The following DIP2B variants were observed in gnomAD, a reference collection of about 807,000 sequenced individuals.
DIP2B encodes disco-interacting protein 2 homolog B.
Under a neutral mutation model 198.0 loss-of-function variants are expected in DIP2B, and 76 were observed. The ratio of observed to expected loss-of-function variants is 0.38; its 90% CI spans 0.32 to 0.46. DIP2B has a LOEUF of 0.46. Ranked by LOEUF, DIP2B falls within the 20% of genes least tolerant of loss-of-function variation. DIP2B has a pLI of 0.99. For missense variants in DIP2B, 1,559 were observed against 1,978.4 expected (o/e 0.79, Z 4.02); for synonymous variants, 701 against 739.1 (o/e 0.95, Z 0.84).
intron 23 of DIP2B, among the ~76,000 whole-genome samples, chr12:50,716,501 C>T (rs1046205736): frequency 6.6e-6 from 1 of 152,094 alleles, no homozygotes; most frequent in African/African-American, 2.4e-5. Context: ...GCACTCCAGC[C>T]TGGGCGACTG....
chr12:50,682,545 C>T (rs1939059451), intron 9 of DIP2B, among the ~76,000 whole-genome samples: 3 of 142,586 alleles, frequency 2.1e-5, no homozygotes, highest in South Asian at 4.6e-4. Flanking sequence ...AGGAGAATGG[C>T]GTGAACCCAG....
chr12:50,611,078 G>A (rs923441057), intron 1 of DIP2B, among the ~76,000 whole-genome samples: 3 of 152,252 alleles, frequency 2.0e-5, no homozygotes, highest in African/African-American at 7.2e-5. Context: ...GATTACAGGC[G>A]TGAGCCACCG....
chr12:50,580,217 CCTCCAGAGGT>C lies in DIP2B; in HGVS notation c.101-45755_101-45746del, dbSNP rs1002918877. Among the ~76,000 whole-genome samples, 5 of 148,534 alleles carry C rather than the reference CCTCCAGAGGT, an allele frequency of 3.4e-5. 1 individual carries two copies. The highest frequency in any genetic ancestry group is 2.8e-4 in the Admixed American group (4 of 14,398). On this transcript the variant is annotated intron_variant, in intron 1 of 37. Transcript: ENST00000301180. ...GAGAGACTCTTAGGCTAAAAAGGGC[CCTCCAGAGGT>C]CTCAGCACTACACACTGTTGCCCCA...
chr12:50,719,581 C>T (rs1939795082), intron 25 of DIP2B, among the ~76,000 whole-genome samples: 1 of 152,124 alleles, frequency 6.6e-6, no homozygotes, highest in African/African-American at 2.4e-5. Context: ...GTGGCTCACA[C>T]CTGTAATCCC....
chr12:50,690,548 T>C (rs900456779), intron 12 of DIP2B, among the ~76,000 whole-genome samples: 2 of 152,182 alleles, frequency 1.3e-5, no homozygotes, highest in African/African-American at 2.4e-5. Flanking sequence ...GGAAAGTTGA[T>C]AGTCCTGGTA....
At position 50,672,231 on chromosome 12, in the gene DIP2B, T is replaced by G. The variant is rs181793190; in HGVS notation, c.640+833T>G. Among the ~76,000 whole-genome samples the G allele has an allele frequency of 7.6e-4, 115 of 152,234 alleles. 2 individuals carry two copies. Among genetic ancestry groups the G allele is most frequent in the Admixed American group, 5.9e-4 (9 of 15,280 alleles). ...AACTGATTTCTAAAAAAAGAAAAAC[T>G]TGGAAAAATTTCAATTCAAGACTAT... On this transcript the variant is annotated intron_variant, in intron 5 of 37. Coordinates refer to ENST00000301180, the MANE Select transcript of DIP2B (RefSeq NM_173602.3).
At chr12:50,517,109 T>C (rs979752957) in intron 1 of DIP2B, among the ~76,000 whole-genome samples, 5 of 152,000 alleles carry the variant, frequency 3.3e-5, no homozygotes, top group Non-Finnish European at 5.9e-5. Flanking sequence ...TTAGTAGAGA[T>C]GGGGTTTCAC....
In DIP2B at chr12:50,582,800, C is replaced by T. The variant is rs137937988; in HGVS notation, c.101-43176C>T. ...TAACGGATAATTTCACTTACAAGTA[C>T]GTAAGCTAGTCAGTGGTCGTGTTTC... On this transcript the variant is annotated intron_variant, in intron 1 of 37. Coordinates refer to ENST00000301180, the MANE Select transcript of DIP2B (RefSeq NM_173602.3). Among the ~76,000 whole-genome samples, 194 of 152,258 alleles carry T rather than the reference C, an allele frequency of 1.3e-3. 6 individuals are homozygous for T. In the East Asian group the frequency reaches 0.032, roughly 25 times the overall value.
At chr12:50,632,630 G>A (rs1268680627) in intron 2 of DIP2B, among the ~76,000 whole-genome samples, 4 of 151,120 alleles carry the variant, frequency 2.6e-5, no homozygotes, top group African/African-American at 4.9e-5. Flanking sequence ...TCCACCTCCC[G>A]GGATCAAGTG....
intron 20 of DIP2B, among the ~76,000 whole-genome samples, chr12:50,705,134 T>A (rs1939491547): frequency 6.6e-6 from 1 of 152,108 alleles, no homozygotes; most frequent in South Asian, 2.1e-4. Context: ...GGAAGTAGGA[T>A]TTTATTTTGT....
intron 1 of DIP2B, among the ~76,000 whole-genome samples, chr12:50,531,836 C>T (rs1958219925): frequency 6.6e-6 from 1 of 152,234 alleles, no homozygotes. Context: ...GTTTTATTCA[C>T]TGCTTTATCT....
chr12:50,715,538 A>G (rs1939698840), intron 23 of DIP2B, among the ~76,000 whole-genome samples: 1 of 152,188 alleles, frequency 6.6e-6, no homozygotes. Context: ...AAGTGAGACC[A>G]TGAAGTATAC....
intron 3 of DIP2B, among the ~76,000 whole-genome samples, chr12:50,642,661 C>T (rs998107086): frequency 2.6e-5 from 4 of 152,080 alleles, no homozygotes; most frequent in South Asian, 4.1e-4. Flanking sequence ...TGGTGGCAGG[C>T]GCCTGTAGTC....
At chr12:50,516,931 G>T (rs1357401741) in intron 1 of DIP2B, among the ~76,000 whole-genome samples, 1 of 152,068 alleles carries the variant, frequency 6.6e-6, no homozygotes, top group Non-Finnish European at 1.5e-5. Flanking sequence ...AGTGAGCAGG[G>T]ATCACAGTGA....
At chr12:50,574,974 T>G (rs995094619) in intron 1 of DIP2B, among the ~76,000 whole-genome samples, 2 of 152,252 alleles carry the variant, frequency 1.3e-5, no homozygotes, top group Non-Finnish European at 2.9e-5. Flanking sequence ...GGTCCACAAC[T>G]TAGTTTTCTG....
At chr12:50,660,145 A>G in intron 3 of DIP2B, 49 bp from the exon 4 acceptor site, 1 of 1,535,472 alleles carries the variant, frequency 6.5e-7, no homozygotes, top group Non-Finnish European at 8.8e-7. Context: ...ACAGTGGTAA[A>G]CACTTTCAAG....
rs373387379 is a variant in DIP2B at position 50,732,554 on chromosome 12, T to C, written c.3981+18T>C. The stretch of plus-strand genomic sequence containing the variant: ...GTTTACAGGTGACCCTCATGAAATC[T>C]TGTCTGTTGACAAATGGGAGAGGAA... On this transcript the variant is annotated intron_variant, in intron 32 of 37. Transcript: ENST00000301180. 3.8e-5 allele frequency: 61 copies of C among 1,613,488 alleles called. 1 individual carries two copies. In the African/African-American group the frequency reaches 6.3e-4, roughly 17 times the overall value.
intron 1 of DIP2B, among the ~76,000 whole-genome samples, chr12:50,613,987 T>G (rs1176595562): frequency 6.6e-6 from 1 of 152,196 alleles, no homozygotes; most frequent in Non-Finnish European, 1.5e-5. Flanking sequence ...TTTGTCCATC[T>G]TTAAGAAAAA....
At position 50,728,445 on chromosome 12, in the gene DIP2B, T is replaced by C. The variant is rs1939976136; in HGVS notation, c.3511-103T>C. ...GAAGCACTAAAAATTATGCATTGTT[T>C]TGAGGAGTTTAGGGAATTGAAACTC... is the stretch of plus-strand genomic sequence containing the variant. On this transcript the variant is annotated intron_variant, in intron 29 of 37. Transcript: ENST00000301180. The C allele has an allele frequency of 2.2e-6, 3 of 1,359,730 alleles. No individual in the cohort carries two copies. The African/African-American group carries it at 4.4e-5, about 20-fold the overall frequency. The allele number at this position is 1,359,730 out of a possible 1,614,324, so 84.2% of individuals were successfully genotyped here. A position where few individuals can be genotyped will look rare whatever the true frequency, so the allele number is the denominator to read the frequency against.
Sources: gnomAD v4.1 joint callset for allele counts (sites outside exome capture counted in the v4.1 genomes callset) on GRCh38, gnomAD v4.1.1 for gene constraint, MANE v1.5 for transcripts, NCBI Gene and HGNC (gene_info 2026-07-23, HGNC 2026-07-21) for gene names.